RIMS2: variants seen among roughly 807,000 people sequenced by gnomAD.
RIMS2 encodes regulating synaptic membrane exocytosis protein 2.
Under a neutral mutation model 174.4 loss-of-function variants are expected in RIMS2, and 59 were observed. The ratio of observed to expected loss-of-function variants is 0.34; its 90% CI spans 0.27 to 0.42. The LOEUF (loss-of-function observed/expected upper bound fraction) is 0.42. Among genes scored for constraint, RIMS2 ranks in the 10% least tolerant of loss-of-function variants. The pLI is 1.00. For synonymous variants in RIMS2, 606 were observed against 572.5 expected, an observed-to-expected ratio of 1.06 and a Z score of -0.84; for missense variants, 1,620 against 1,666.3, an observed-to-expected ratio of 0.97 and a Z score of 0.48.
intron 2 of RIMS2, among the ~76,000 whole-genome samples, chr8:103,743,985 A>G (rs1220292510): frequency 6.6e-6 from 1 of 152,172 alleles, no homozygotes; most frequent in Non-Finnish European, 1.5e-5. Flanking sequence ...ACATTCAAGG[A>G]GTTAAATGGT....
At chr8:104,143,570 CA>C (rs1192297064) in intron 19 of RIMS2, among the ~76,000 whole-genome samples, 1 of 152,130 alleles carries the variant, frequency 6.6e-6, no homozygotes, top group Admixed American at 6.6e-5. Context: ...GTAAGCCTTT[CA>C]AGATACCATG....
intron 1 of RIMS2, among the ~76,000 whole-genome samples, chr8:103,594,281 T>C (rs1321986094): frequency 2.0e-5 from 3 of 151,646 alleles, no homozygotes; most frequent in African/African-American, 7.2e-5. Flanking sequence ...TTGTTGGTAA[T>C]TTTGCTATTT....
chr8:103,513,288 G>T (rs1476495360), intron 1 of RIMS2, among the ~76,000 whole-genome samples: 2 of 152,128 alleles, frequency 1.3e-5, no homozygotes, highest in Non-Finnish European at 2.9e-5. Flanking sequence ...TAGATATTTG[G>T]ATAATAGTCC....
chr8:103,851,036 T>G (rs1472575448), intron 3 of RIMS2, among the ~76,000 whole-genome samples: 2 of 152,030 alleles, frequency 1.3e-5, no homozygotes, highest in Non-Finnish European at 2.9e-5. Context: ...TTCATGTGGT[T>G]TTTGCATTGT....
intron 19 of RIMS2, among the ~76,000 whole-genome samples, 174 bp downstream of exon 24, chr8:104,093,817 C>G (rs2097705476): frequency 6.6e-6 from 1 of 152,020 alleles, no homozygotes; most frequent in African/African-American, 2.4e-5. Flanking sequence ...TTTCAGACTT[C>G]CTGCACAGAA....
At chr8:103,651,297 C>T (rs1260368701) in intron 1 of RIMS2, among the ~76,000 whole-genome samples, 2 of 152,334 alleles carry the variant, frequency 1.3e-5, no homozygotes, top group Middle Eastern at 3.4e-3. Context: ...TCAGTTTCAA[C>T]GTGAGAACTC....
At chr8:104,085,971 T>C (rs2097529957) in intron 19 of RIMS2, among the ~76,000 whole-genome samples, 1 of 152,114 alleles carries the variant, frequency 6.6e-6, no homozygotes, top group Non-Finnish European at 1.5e-5. Flanking sequence ...TTATTAGTCA[T>C]TACTTGGTAA....
chr8:103,573,159 G>A (rs1408207678), intron 1 of RIMS2, among the ~76,000 whole-genome samples: 1 of 151,916 alleles, frequency 6.6e-6, no homozygotes. Flanking sequence ...AGTTTCAAGT[G>A]GTTCTCATGC....
intron 20 of RIMS2, 143 bp downstream of exon 26, chr8:104,245,200 C>A: frequency 1.3e-6 from 1 of 747,160 alleles, no homozygotes; most frequent in Non-Finnish European, 2.1e-6. Context: ...GAGAACTTTG[C>A]TCACCTGCCA....
chr8:103,775,784 A>G lies in RIMS2; in HGVS notation c.698+9247A>G, dbSNP rs150421281. On this transcript the variant is annotated intron_variant, in intron 3 of 23. Transcript: ENST00000504942. ...AGACAAAGTATCTCTCTTAAAAAAG[A>G]TGTTTAACATAGTATAATAATTGGT... 1.3e-4 allele frequency among the ~76,000 whole-genome samples: 20 copies of G among 152,318 alleles called. No individual in the cohort carries two copies. The East Asian group carries it at 1.3e-3, about 10-fold the overall frequency.
At chr8:104,147,325 A>C (rs1469476681) in intron 19 of RIMS2, among the ~76,000 whole-genome samples, 1 of 151,944 alleles carries the variant, frequency 6.6e-6, no homozygotes, top group Non-Finnish European at 1.5e-5. Flanking sequence ...AACAAATGTG[A>C]GGGATATAAT....
chr8:103,993,972 C>T (rs2094899173), intron 17 of RIMS2, among the ~76,000 whole-genome samples: 1 of 149,870 alleles, frequency 6.7e-6, no homozygotes, highest in Non-Finnish European at 1.5e-5. Flanking sequence ...ATTGCATGAG[C>T]CTAGGGAAGT....
At chr8:104,025,678 A>T (rs1298758204) in intron 19 of RIMS2, among the ~76,000 whole-genome samples, 1 of 151,234 alleles carries the variant, frequency 6.6e-6, no homozygotes, top group Non-Finnish European at 1.5e-5. Flanking sequence ...AAGTCTGATT[A>T]TGATCACCCT....
rs770384891 is a variant in RIMS2, at chr8:103,510,628, C to T, written c.176+9566C>T. ...GGTACTTGCACATAACTTGCTATAT[C>T]TCTGAACAAGCAGTGGGGCATTTTG... On this transcript the variant is annotated intron_variant, in intron 1 of 23. Coordinates refer to ENST00000504942, the Ensembl canonical transcript of RIMS2. Among the ~76,000 whole-genome samples, 193 of 152,224 alleles carry T rather than the reference C, an allele frequency of 1.3e-3. 2 individuals carry two copies. In the Middle Eastern group the frequency reaches 0.024, roughly 19 times the overall value.
At chr8:103,571,769 C>T (rs1028344591) in intron 1 of RIMS2, among the ~76,000 whole-genome samples, 1 of 152,104 alleles carries the variant, frequency 6.6e-6, no homozygotes, top group Admixed American at 6.5e-5. Context: ...GGATTCAGAG[C>T]CTCAGAGAAT....
At chr8:104,240,017 G>A (rs970008699) in intron 19 of RIMS2, among the ~76,000 whole-genome samples, 6 of 152,282 alleles carry the variant, frequency 3.9e-5, no homozygotes, top group African/African-American at 1.4e-4. Context: ...AGCAGCTAGA[G>A]GCTGCTCTCA....
chr8:103,529,642 A>G (rs1836019871), intron 1 of RIMS2, among the ~76,000 whole-genome samples: 1 of 152,168 alleles, frequency 6.6e-6, no homozygotes, highest in African/African-American at 2.4e-5. Flanking sequence ...TCCTGCACCC[A>G]CTGTCCGACA....
chr8:103,712,697 T>C (rs2097321823), intron 2 of RIMS2, among the ~76,000 whole-genome samples: 1 of 152,170 alleles, frequency 6.6e-6, no homozygotes, highest in Admixed American at 6.5e-5. Context: ...AACTGCAGGA[T>C]GGTAAAACAG....
At chr8:104,142,120 C>CT (rs71297257) in intron 19 of RIMS2, among the ~76,000 whole-genome samples, 28,607 of 131,924 alleles carry the variant, frequency 0.22, 3,301 homozygotes, top group South Asian at 0.32. Flanking sequence ...AAATATCTTC[C>CT]TTTTTTTTTT....
Sources: gnomAD v4.1 joint callset for allele counts (sites outside exome capture counted in the v4.1 genomes callset) on GRCh38, gnomAD v4.1.1 for gene constraint, MANE v1.5 for transcripts, NCBI Gene and HGNC (gene_info 2026-07-23, HGNC 2026-07-21) for gene names.